The following CDH18 variants were observed in gnomAD, a reference collection of about 807,000 sequenced individuals.
CDH18 encodes the protein cadherin 18.
Under a neutral mutation model 67.9 loss-of-function variants are expected in CDH18, and 31 were observed. That is an observed-to-expected ratio of 0.46 (90% CI 0.34 to 0.62). The LOEUF (loss-of-function observed/expected upper bound fraction) is 0.62. CDH18 is among the 20% of genes least tolerant of loss of function. CDH18 has a pLI of 0.01. For synonymous variants in CDH18, 362 were observed against 347.2 expected (o/e 1.04, Z -0.48); for missense variants, 890 against 975.5 (o/e 0.91, Z 1.17).
chr5:20,409,118 C>A (rs1414778692), intron 1 of CDH18, among the ~76,000 whole-genome samples: 1 of 151,680 alleles, frequency 6.6e-6, no homozygotes, highest in Non-Finnish European at 1.5e-5. Flanking sequence ...TTGTAGGTAA[C>A]TACAATACCA....
chr5:19,808,637 C>A (rs1482068848), intron 3 of CDH18, among the ~76,000 whole-genome samples: 7 of 151,448 alleles, frequency 4.6e-5, no homozygotes, highest in Non-Finnish European at 8.8e-5. Context: ...ACCGGCCTGG[C>A]CAACATGGTG....
chr5:20,505,785 T>C (rs1311672059), intron 1 of CDH18, among the ~76,000 whole-genome samples: 4 of 152,200 alleles, frequency 2.6e-5, no homozygotes, highest in Non-Finnish European at 4.4e-5. Flanking sequence ...CAATTTCCCA[T>C]GAAAGTAAAG....
At chr5:19,561,443 G>T (rs1739434073) in intron 8 of CDH18, among the ~76,000 whole-genome samples, 1 of 152,134 alleles carries the variant, frequency 6.6e-6, no homozygotes, top group Non-Finnish European at 1.5e-5. Flanking sequence ...TCACTCATAA[G>T]TGGGAGCTAA....
chr5:20,553,566 C>A (rs1421704661), intron 1 of CDH18, among the ~76,000 whole-genome samples: 1 of 152,118 alleles, frequency 6.6e-6, no homozygotes, highest in Non-Finnish European at 1.5e-5. Flanking sequence ...TGGTAAAACA[C>A]CACTTTAACC....
chr5:19,918,407 T>C lies in CDH18; in HGVS notation c.-257+62653A>G, dbSNP rs377520530. Among the ~76,000 whole-genome samples, 105 of 152,262 alleles carry C rather than the reference T, an allele frequency of 6.9e-4. No individual in the cohort carries two copies. In the South Asian group the frequency reaches 0.019, roughly 27 times the overall value. ...AGAAATTATGCTTCAAAACTTATCA[T>C]ACATAGAACCTTTGGAAAAATCCAG... On this transcript the variant is annotated intron_variant, in intron 2 of 12. Transcript: ENST00000382275.
intron 1 of CDH18, among the ~76,000 whole-genome samples, chr5:20,573,136 T>C (rs11739628): frequency 0.28 from 42,580 of 151,926 alleles, 6,788 homozygotes; most frequent in Middle Eastern, 0.41. Flanking sequence ...ATTACAGAAT[T>C]TGTAAGAAAA....
At chr5:20,523,713 T>C (rs1755885873) in intron 1 of CDH18, among the ~76,000 whole-genome samples, 1 of 152,134 alleles carries the variant, frequency 6.6e-6, no homozygotes, top group Admixed American at 6.5e-5. Flanking sequence ...CTAATTTTTG[T>C]ATTTTTAGTA....
At chr5:19,526,614 T>C (rs910738242) in intron 9 of CDH18, among the ~76,000 whole-genome samples, 1 of 152,120 alleles carries the variant, frequency 6.6e-6, no homozygotes, top group African/African-American at 2.4e-5. Context: ...ATATCATGAC[T>C]TAAATCTTTA....
At chr5:20,023,590 C>T (rs1236101104) in intron 2 of CDH18, among the ~76,000 whole-genome samples, 6 of 138,328 alleles carry the variant, frequency 4.3e-5, no homozygotes, top group South Asian at 2.3e-4. Context: ...ACCCGGGAGG[C>T]GGAGTTTGTA....
At chr5:19,933,150 C>T (rs1383088263) in intron 2 of CDH18, among the ~76,000 whole-genome samples, 1 of 151,438 alleles carries the variant, frequency 6.6e-6, no homozygotes, top group East Asian at 1.9e-4. Context: ...AATCCTTATT[C>T]TAGGTTGATG....
rs1470812539 is a variant in CDH18 at position 19,473,375 on chromosome 5, C to T, written c.2224G>A (p.Gly742Ser). Residue 742 changes from glycine to serine, a missense_variant, in exon 13 of 13, where the codon GGT becomes AGT. Transcript: ENST00000382275. ...YDSLQTYAYEGQRSEAGSISS... is the reference protein window; with the variant it reads ...YDSLQTYAYESQRSEAGSISS... ...ATAGACCCAGCTTCTGATCTCTGAC[C>T]CTCATAGGCATAAGTCTGAAGAGAG... 2.5e-6 allele frequency: 4 copies of T among 1,613,764 alleles called. No homozygotes were observed. The South Asian group carries it at 4.4e-5, about 18-fold the overall frequency.
intron 2 of CDH18, among the ~76,000 whole-genome samples, chr5:20,004,822 T>A (rs1323838414): frequency 2.0e-5 from 3 of 152,188 alleles, no homozygotes; most frequent in Non-Finnish European, 4.4e-5. Flanking sequence ...AGAGGAATAG[T>A]GGGTGTGTCA....
At chr5:20,050,965 A>G (rs1201573343) in intron 2 of CDH18, among the ~76,000 whole-genome samples, 1 of 151,826 alleles carries the variant, frequency 6.6e-6, no homozygotes, top group Non-Finnish European at 1.5e-5. Flanking sequence ...TGATCTACAT[A>G]ATTTTAAGAC....
At chr5:20,138,020 A>T (rs919061047) in intron 2 of CDH18, among the ~76,000 whole-genome samples, 60 of 152,108 alleles carry the variant, frequency 3.9e-4, no homozygotes, top group African/African-American at 1.3e-3. Flanking sequence ...AAAAAAGAGA[A>T]TTTTAGACCA....
chr5:19,614,556 A>G (rs1285008224), intron 5 of CDH18, among the ~76,000 whole-genome samples: 2 of 152,140 alleles, frequency 1.3e-5, no homozygotes, highest in Non-Finnish European at 2.9e-5. Flanking sequence ...TACCACTTGA[A>G]AAAAGTAAAG....
chr5:19,659,190 T>G (rs1447317096), intron 5 of CDH18, among the ~76,000 whole-genome samples: 2 of 152,140 alleles, frequency 1.3e-5, no homozygotes, highest in Non-Finnish European at 2.9e-5. Flanking sequence ...TCAATTGTCC[T>G]TCTACATTCT....
intron 10 of CDH18, among the ~76,000 whole-genome samples, chr5:19,505,988 A>T (rs1744085824): frequency 6.6e-6 from 1 of 152,130 alleles, no homozygotes; most frequent in African/African-American, 2.4e-5. Context: ...TATTGCCTCA[A>T]TTCCAGAGCC....
chr5:20,230,143 G>A (rs1741948838), intron 2 of CDH18, among the ~76,000 whole-genome samples: 1 of 152,040 alleles, frequency 6.6e-6, no homozygotes, highest in African/African-American at 2.4e-5. Context: ...CCATTCATTA[G>A]GAATAATACA....
chr5:20,119,596 G>A (rs1042823827), intron 2 of CDH18, among the ~76,000 whole-genome samples: 1 of 124,412 alleles, frequency 8.0e-6, no homozygotes, highest in Non-Finnish European at 1.8e-5. Flanking sequence ...CCCTTTTCTA[G>A]GAAAAATTAT....
Sources: allele counts gnomAD v4.1 joint callset (sites outside exome capture counted in the v4.1 genomes callset), GRCh38; gene constraint gnomAD v4.1.1; transcripts MANE v1.5; gene names NCBI Gene and HGNC (gene_info 2026-07-23, HGNC 2026-07-21).